Variants in DENND5B observed in about 807,000 individuals in gnomAD.
The protein encoded by DENND5B is DENN domain-containing protein 5B.
In DENND5B, 34 loss-of-function variants were observed where a neutral mutation model predicts 140.6. The ratio of observed to expected loss-of-function variants is 0.24; its 90% CI spans 0.18 to 0.32. DENND5B has a LOEUF of 0.32. DENND5B is among the 10% of genes least tolerant of loss of function. The pLI is 1.00. For synonymous variants in DENND5B, 551 were observed against 562.1 expected, an observed-to-expected ratio of 0.98 and a Z score of 0.28; for missense variants, 1,142 against 1,560.2, an observed-to-expected ratio of 0.73 and a Z score of 4.52.
intron 2 of DENND5B, among the ~76,000 whole-genome samples, 198 bp from the exon 3 acceptor site, chr12:31,480,453 T>C (rs1027604807): frequency 6.6e-6 from 1 of 152,190 alleles, no homozygotes; most frequent in Non-Finnish European, 1.5e-5. Flanking sequence ...AAAAGGAGTA[T>C]ATACAAGGGA....
intron 7 of DENND5B, among the ~76,000 whole-genome samples, chr12:31,434,562 T>C (rs756342299): frequency 6.6e-6 from 1 of 152,194 alleles, no homozygotes; most frequent in African/African-American, 2.4e-5. Context: ...AATGTTTCCC[T>C]TATTCAAAGG....
rs1322185438 is a variant in DENND5B, at chr12:31,435,049, ACTCT to A, written c.2013-1805_2013-1802del. Reference sequence around the variant, plus strand: ...CCACCTAAACTACTCCCATTCTAGCACTCTCTCCTCTGTAATAATCCTCTACTTC... The same window carrying A: ...CCACCTAAACTACTCCCATTCTAGCACTCCTCTGTAATAATCCTCTACTTC... On this transcript the variant is annotated intron_variant, in intron 7 of 20. Coordinates refer to ENST00000389082, the MANE Select transcript of DENND5B (RefSeq NM_144973.4). Among the ~76,000 whole-genome samples, 3 of 151,436 alleles carry A rather than the reference ACTCT, an allele frequency of 2.0e-5. No individual in the cohort carries two copies. The East Asian group carries it at 5.8e-4, about 29-fold the overall frequency.
At chr12:31,425,904 T>C (rs974915865) in intron 9 of DENND5B, among the ~76,000 whole-genome samples, 20 of 152,342 alleles carry the variant, frequency 1.3e-4, no homozygotes, top group African/African-American at 4.3e-4. Flanking sequence ...TATTTTTCCT[T>C]ATGGGGACAA....
chr12:31,410,673 G>A (rs1051140695), intron 13 of DENND5B, among the ~76,000 whole-genome samples: 7 of 152,098 alleles, frequency 4.6e-5, no homozygotes, highest in African/African-American at 1.7e-4. Flanking sequence ...TCAAAGTGCT[G>A]GGATTACAGG....
intron 1 of DENND5B, among the ~76,000 whole-genome samples, chr12:31,569,723 G>T (rs2139387478): frequency 6.6e-6 from 1 of 152,192 alleles, no homozygotes; most frequent in East Asian, 1.9e-4. Context: ...GAGGCAGTAG[G>T]ATAGCTTGAG....
chr12:31,481,248 T>C (rs1339459358), intron 2 of DENND5B, among the ~76,000 whole-genome samples: 2 of 152,178 alleles, frequency 1.3e-5, no homozygotes, highest in Admixed American at 6.5e-5. Flanking sequence ...GTCTCCCACA[T>C]CCCCACATTA....
intron 1 of DENND5B, among the ~76,000 whole-genome samples, chr12:31,562,996 T>A (rs890917312): frequency 6.6e-6 from 1 of 152,088 alleles, no homozygotes; most frequent in Non-Finnish European, 1.5e-5. Flanking sequence ...AAGCAAACTT[T>A]CTGCACAATA....
At chr12:31,516,574 ATTG>A (rs1412086097) in intron 1 of DENND5B, among the ~76,000 whole-genome samples, 3 of 151,570 alleles carry the variant, frequency 2.0e-5, no homozygotes, top group Admixed American at 2.0e-4. Context: ...AGCTTTCATC[ATTG>A]ATGATAGCAG....
chr12:31,426,450 T>G (rs752735031), intron 8 of DENND5B, 26 bp from the exon 9 acceptor site: 1 of 1,597,162 alleles, frequency 6.3e-7, no homozygotes, highest in Non-Finnish European at 8.5e-7. Flanking sequence ...GTATTTTTAA[T>G]GCGTAAACAT....
intron 17 of DENND5B, among the ~76,000 whole-genome samples, chr12:31,396,056 G>GTTTT (rs34089984): frequency 6.2e-5 from 7 of 112,260 alleles, no homozygotes; most frequent in South Asian, 2.9e-4. Flanking sequence ...GGCATTCCTT[G>GTTTT]TTTTTTTTTT....
At chr12:31,433,328 C>G in intron 7 of DENND5B, 80 bp from the exon 8 acceptor site, 1 of 1,202,994 alleles carries the variant, frequency 8.3e-7, no homozygotes, top group Non-Finnish European at 1.2e-6. Flanking sequence ...AAAAGACTGA[C>G]ACACACATTT....
At chr12:31,515,371 CATT>C (rs991413076) in intron 1 of DENND5B, among the ~76,000 whole-genome samples, 4 of 152,060 alleles carry the variant, frequency 2.6e-5, no homozygotes, top group South Asian at 4.2e-4. Flanking sequence ...TTTAAATTAT[CATT>C]ATTATTATTA....
chr12:31,435,148 C>T (rs1015794363), intron 7 of DENND5B, among the ~76,000 whole-genome samples: 3 of 152,108 alleles, frequency 2.0e-5, no homozygotes, highest in Non-Finnish European at 4.4e-5. Flanking sequence ...TATTCCCGTA[C>T]CCACACAGAC....
intron 5 of DENND5B, among the ~76,000 whole-genome samples, chr12:31,448,227 C>T (rs1420374081): frequency 6.6e-6 from 1 of 152,056 alleles, no homozygotes; most frequent in Non-Finnish European, 1.5e-5. Flanking sequence ...TCCCGCCTCC[C>T]GGGTTCATGC....
At chr12:31,451,776 G>C (rs1944535956) in intron 5 of DENND5B, 164 bp downstream of exon 5, 1 of 774,260 alleles carries the variant, frequency 1.3e-6, no homozygotes, top group Admixed American at 3.3e-5. Context: ...GTAAAGAAAA[G>C]TTCTTAATGG....
intron 3 of DENND5B, among the ~76,000 whole-genome samples, chr12:31,464,521 A>G (rs1254227573): frequency 6.6e-6 from 1 of 151,426 alleles, no homozygotes; most frequent in Non-Finnish European, 1.5e-5. Context: ...CTTCCCCAAT[A>G]CCCCATCATC....
At chr12:31,508,166 T>C (rs963113331) in intron 1 of DENND5B, among the ~76,000 whole-genome samples, 9 of 152,182 alleles carry the variant, frequency 5.9e-5, no homozygotes, top group Non-Finnish European at 7.3e-5. Context: ...GGAGCAACAC[T>C]GCTAAGCTGA....
At chr12:31,530,984 C>T (rs1245174782) in intron 1 of DENND5B, among the ~76,000 whole-genome samples, 1 of 152,130 alleles carries the variant, frequency 6.6e-6, no homozygotes, top group Non-Finnish European at 1.5e-5. Flanking sequence ...AGGTCCGAAA[C>T]ACAAAAGGGA....
At chr12:31,567,354 T>C (rs1949667148) in intron 1 of DENND5B, among the ~76,000 whole-genome samples, 1 of 151,594 alleles carries the variant, frequency 6.6e-6, no homozygotes, top group Admixed American at 6.6e-5. Flanking sequence ...TCAATTTACT[T>C]GTGTGTCCTA....
Sources: gnomAD v4.1 joint callset for allele counts (sites outside exome capture counted in the v4.1 genomes callset) on GRCh38, gnomAD v4.1.1 for gene constraint, MANE v1.5 for transcripts, NCBI Gene and HGNC (gene_info 2026-07-23, HGNC 2026-07-21) for gene names.